The following CCNY variants were observed in gnomAD, a reference collection of about 807,000 sequenced individuals.
The protein encoded by CCNY is cyclin Y, also known as cyclin-Y.
In CCNY, 19 loss-of-function variants were observed where a neutral mutation model predicts 42.8. The observed-to-expected ratio is 0.44, with a 90% CI of 0.31 to 0.65. The LOEUF is 0.65. Among genes scored for constraint, CCNY ranks in the 30% least tolerant of loss-of-function variants. CCNY has a pLI of 0.07. For missense variants in CCNY, 370 were observed against 437.3 expected (o/e 0.85, Z 1.37); for synonymous variants, 165 against 162.7 (o/e 1.01, Z -0.11).
At chr10:35,380,475 A>G (rs1313236653) in intron 1 of CCNY, among the ~76,000 whole-genome samples, 2 of 152,230 alleles carry the variant, frequency 1.3e-5, no homozygotes, top group African/African-American at 4.8e-5. Context: ...AAGGAACCTG[A>G]TAATAACTAA....
chr10:35,425,361 C>T (rs565459297), intron 1 of CCNY, among the ~76,000 whole-genome samples: 8 of 152,238 alleles, frequency 5.3e-5, no homozygotes, highest in Admixed American at 2.0e-4. Context: ...GATTGGAAGG[C>T]GGCTGTTTAA....
At chr10:35,502,246 C>T (rs1006693243) in intron 3 of CCNY, among the ~76,000 whole-genome samples, 6 of 152,156 alleles carry the variant, frequency 3.9e-5, no homozygotes, top group Non-Finnish European at 8.8e-5. Context: ...AAATATGGCC[C>T]TTTAGGAAAG....
intron 1 of CCNY, among the ~76,000 whole-genome samples, chr10:35,482,062 T>C (rs1263286158): frequency 2.0e-5 from 3 of 152,208 alleles, no homozygotes; most frequent in Non-Finnish European, 4.4e-5. Flanking sequence ...TTTAATCAGG[T>C]ACTCCGGGAG....
intron 1 of CCNY, among the ~76,000 whole-genome samples, chr10:35,451,813 GC>G (rs1391188579): frequency 6.6e-6 from 1 of 152,146 alleles, no homozygotes; most frequent in Admixed American, 6.5e-5. Flanking sequence ...TCACCTCCAC[GC>G]ATGGCAGGGG....
chr10:35,569,139 T>G lies in CCNY; in HGVS notation c.995T>G (p.Leu332Arg). The G allele has an allele frequency of 6.2e-7, 1 of 1,611,910 alleles. No individual in the cohort carries two copies. The highest frequency in any genetic ancestry group is 2.2e-5 in the East Asian group (1 of 44,868). The change falls in exon 10 of 10, where the codon CTG becomes CGG. Residue 332 changes from leucine to arginine, a missense_variant. Leu to Arg is a moderately radical substitution (Grantham distance 102). Coordinates refer to ENST00000374704, the MANE Select transcript of CCNY (RefSeq NM_145012.6). ...TCAGCCAGTGCAGACAACCTGACTCTGCCCCGGTGGTCCCCAGCCATCATC... is the reference window on the plus strand; with the variant it reads ...TCAGCCAGTGCAGACAACCTGACTCGGCCCCGGTGGTCCCCAGCCATCATC... ...KRSASADNLT[L>R]PRWSPAIIS
chr10:35,324,711 T>C (rs1176949672), intron 3 of CCNY, among the ~76,000 whole-genome samples: 1 of 152,156 alleles, frequency 6.6e-6, no homozygotes, highest in Non-Finnish European at 1.5e-5. Flanking sequence ...AAAAGACCAA[T>C]AAGGAATTTT....
At chr10:35,440,144 G>T (rs964164088) in intron 1 of CCNY, among the ~76,000 whole-genome samples, 2 of 152,212 alleles carry the variant, frequency 1.3e-5, no homozygotes, top group East Asian at 3.8e-4. Context: ...GAGTAGAGTG[G>T]TTATTATCTA....
At chr10:35,411,975 T>A (rs1159490716) in intron 1 of CCNY, among the ~76,000 whole-genome samples, 3 of 152,236 alleles carry the variant, frequency 2.0e-5, no homozygotes, top group Admixed American at 1.3e-4. Flanking sequence ...ACTGTGGCTC[T>A]GCAGGGCTGT....
In CCNY at chr10:35,569,282, G is replaced by C. The variant is rs113589910; in HGVS notation, c.*112G>C. The C allele has an allele frequency of 1.4e-6, 1 of 700,686 alleles. No individual in the cohort carries two copies. The highest frequency in any genetic ancestry group is 1.6e-5 in the South Asian group (1 of 60,900). 43.4% of individuals were successfully genotyped at this position (700,686 alleles called of 1,614,324 possible). On this transcript the variant is annotated 3_prime_UTR_variant, in exon 10 of 10. Transcript: ENST00000374704. Reference sequence around the variant, plus strand: ...TTTTTCTTTCCTTTTCTTTTTTTACGCATAGCTCCGTCAAGCTGCCTGGAT... The same window carrying C: ...TTTTTCTTTCCTTTTCTTTTTTTACCCATAGCTCCGTCAAGCTGCCTGGAT...
At chr10:35,564,188 T>TA (rs34623618) in intron 8 of CCNY, among the ~76,000 whole-genome samples, 151,068 of 152,136 alleles carry the variant, frequency 0.99, 75,016 homozygotes, top group Middle Eastern at 1. Flanking sequence ...CCTAAATTCT[T>TA]AAAACTATGA....
At chr10:35,414,417 A>G (rs1408266176) in intron 1 of CCNY, among the ~76,000 whole-genome samples, 1 of 152,194 alleles carries the variant, frequency 6.6e-6, no homozygotes, top group Non-Finnish European at 1.5e-5. Flanking sequence ...TTTTTCCACC[A>G]TGGGAGTTAT....
At chr10:35,537,203 T>A (rs2135431290) in intron 7 of CCNY, among the ~76,000 whole-genome samples, 2 of 152,322 alleles carry the variant, frequency 1.3e-5, no homozygotes, top group Middle Eastern at 3.4e-3. Flanking sequence ...AGCCTGCAGG[T>A]GTCCAGAAGT....
chr10:35,551,783 A>T (rs990831488), intron 7 of CCNY, among the ~76,000 whole-genome samples: 27 of 152,210 alleles, frequency 1.8e-4, no homozygotes, highest in African/African-American at 6.5e-4. Context: ...AATCATTTTA[A>T]TGATTTAAAA....
At chr10:35,413,930 A>T (rs1292927368) in intron 1 of CCNY, among the ~76,000 whole-genome samples, 1 of 152,206 alleles carries the variant, frequency 6.6e-6, no homozygotes, top group African/African-American at 2.4e-5. Context: ...CACTTCACAA[A>T]GGGAGGAGAA....
chr10:35,563,202 G>GA (rs1481986033), intron 8 of CCNY, among the ~76,000 whole-genome samples: 1 of 151,952 alleles, frequency 6.6e-6, no homozygotes, highest in African/African-American at 2.4e-5. Flanking sequence ...TAAATCTTTA[G>GA]AAAAAAATTC....
chr10:35,428,259 C>T (rs1442755761), intron 1 of CCNY, among the ~76,000 whole-genome samples: 1 of 152,056 alleles, frequency 6.6e-6, no homozygotes. Flanking sequence ...CCTTGATTGC[C>T]TAAAACAGAG....
At chr10:35,382,284 AT>A (rs1395554548) in intron 1 of CCNY, among the ~76,000 whole-genome samples, 2 of 152,120 alleles carry the variant, frequency 1.3e-5, no homozygotes, top group Admixed American at 6.5e-5. Context: ...TCACTTTGAT[AT>A]TTGTCAAGCT....
chr10:35,526,379 A>C (rs1375395797), intron 5 of CCNY, among the ~76,000 whole-genome samples: 1 of 152,238 alleles, frequency 6.6e-6, no homozygotes, highest in Non-Finnish European at 1.5e-5. Flanking sequence ...AATTCAGTAG[A>C]GGCAATTTTG....
chr10:35,483,350 T>A (rs1006547164), intron 1 of CCNY, 54 bp from the exon 2 acceptor site: 1 of 1,171,290 alleles, frequency 8.5e-7, no homozygotes, highest in Non-Finnish European at 1.3e-6. Flanking sequence ...CAATCTTGAT[T>A]CCTCTTAGTT....
Sources: gnomAD v4.1 joint callset for allele counts (sites outside exome capture counted in the v4.1 genomes callset) on GRCh38, gnomAD v4.1.1 for gene constraint, MANE v1.5 for transcripts, NCBI Gene and HGNC (gene_info 2026-07-23, HGNC 2026-07-21) for gene names.